The following DSC2 variants were observed in gnomAD, a reference collection of about 807,000 sequenced individuals.
DSC2 encodes the protein desmocollin-2.
A neutral mutation model predicts 87.6 loss-of-function variants in DSC2; 51 were observed. The observed-to-expected ratio is 0.58, with a 90% CI of 0.46 to 0.74. DSC2 has a LOEUF of 0.74. Among genes scored for constraint, DSC2 ranks in the 30% least tolerant of loss-of-function variants. DSC2 has a pLI of 0.00. For synonymous variants in DSC2, 383 were observed against 393.2 expected (o/e 0.97, Z 0.31); for missense variants, 1,066 against 1,089.5 (o/e 0.98, Z 0.30).
At chr18:31,070,509 G>A (rs979880174) in intron 14 of DSC2, among the ~76,000 whole-genome samples, 2 of 152,124 alleles carry the variant, frequency 1.3e-5, no homozygotes, top group Non-Finnish European at 2.9e-5. Context: ...ACATACTCAA[G>A]CATTTTTACT....
Position 31,091,898 on chromosome 18 carries a change from G to A in DSC2, c.354+203C>T, listed in dbSNP as rs146913618. 3.6e-4 allele frequency among the ~76,000 whole-genome samples: 54 copies of A among 151,726 alleles called. No homozygotes were observed. The East Asian group carries it at 7.3e-3, about 21-fold the overall frequency. ...ACCTTATCCCAATTTCTCCTTTTAC[G>A]TCCCAAATGAAAAGGAATGACAACC... On this transcript the variant is annotated intron_variant, in intron 3 of 15. Coordinates refer to ENST00000280904, the MANE Select transcript of DSC2 (RefSeq NM_024422.6).
intron 11 of DSC2, among the ~76,000 whole-genome samples, chr18:31,078,913 T>C (rs929519444): frequency 6.6e-6 from 1 of 152,202 alleles, no homozygotes; most frequent in African/African-American, 2.4e-5. Flanking sequence ...CATATTTCTC[T>C]CAATTTTATA....
chr18:31,076,295 C>T (rs12456949), intron 11 of DSC2, among the ~76,000 whole-genome samples: 7,373 of 152,078 alleles, frequency 0.048, 250 homozygotes, highest in East Asian at 0.098. Context: ...GGTTCTAAAC[C>T]GTGGGCCACA....
chr18:31,101,482 G>T (rs956645393), intron 1 of DSC2: 4 of 137,486 alleles, frequency 2.9e-5, no homozygotes, highest in African/African-American at 1.3e-4. Flanking sequence ...GGAGCCGCAC[G>T]TTCCCGGGGA....
At position 31,066,198 on chromosome 18, in the gene DSC2, AT is replaced by A. The variant is rs1986613693; in HGVS notation, c.*1816del. On this transcript the variant is annotated 3_prime_UTR_variant, in exon 16 of 16. Coordinates refer to ENST00000280904, the MANE Select transcript of DSC2 (RefSeq NM_024422.6). ...ACAGCCTTTAGAATAGTCATATTAT[AT>A]AAATATGGCAATAACAATGCACTGA... 1 of 152,206 alleles carries A rather than the reference AT, an allele frequency of 6.6e-6. No homozygotes were observed. Among genetic ancestry groups the A allele is most frequent in the Non-Finnish European group, 1.5e-5 (1 of 68,038 alleles). The allele number at this position is 152,206 out of a possible 1,614,324, so 9.4% of individuals were successfully genotyped here. A position where few individuals can be genotyped will look rare whatever the true frequency, so the allele number is the denominator to read the frequency against.
At chr18:31,101,460 C>T (rs1280381309) in intron 1 of DSC2, 2 of 187,648 alleles carry the variant, frequency 1.1e-5, no homozygotes, top group Non-Finnish European at 2.0e-5. Flanking sequence ...GCCGCACGTT[C>T]CCGAGGCACA....
At chr18:31,076,368 G>C (rs897212898) in intron 11 of DSC2, among the ~76,000 whole-genome samples, 2 of 151,490 alleles carry the variant, frequency 1.3e-5, no homozygotes, top group Non-Finnish European at 2.9e-5. Context: ...TGGGAGAGAG[G>C]GAAAAAACAA....
chr18:31,099,256 C>T (rs952975419), intron 1 of DSC2, among the ~76,000 whole-genome samples: 4 of 148,676 alleles, frequency 2.7e-5, no homozygotes, highest in Non-Finnish European at 6.0e-5. Context: ...AGACCTAGAA[C>T]AGAAAACCAA....
In DSC2 at chr18:31,064,456, C is replaced by G. The variant is rs933472917; in HGVS notation, c.*3559G>C. 1 of 152,120 alleles carries G rather than the reference C, an allele frequency of 6.6e-6. No homozygotes were observed. Among genetic ancestry groups the G allele is most frequent in the Non-Finnish European group, 1.5e-5 (1 of 68,024 alleles). The allele number at this position is 152,120 out of a possible 1,614,324, so 9.4% of individuals were successfully genotyped here. ...AATGAATGAAATTGTGTCTACAATT[C>G]TCAAAAGTTTGGCAGTTTTTGGCAA... is the stretch of plus-strand genomic sequence containing the variant. On this transcript the variant is annotated 3_prime_UTR_variant, in exon 16 of 16. Coordinates refer to ENST00000280904, the MANE Select transcript of DSC2 (RefSeq NM_024422.6).
rs1162955511 is a variant in DSC2, at chr18:31,062,363, T to C, written c.*5652A>G. The C allele has an allele frequency of 6.6e-6, 1 of 150,796 alleles. No individual in the cohort carries two copies. Among genetic ancestry groups the C allele is most frequent in the African/African-American group, 2.4e-5 (1 of 40,840 alleles). The allele number at this position is 150,796 out of a possible 1,614,324, so 9.3% of individuals were successfully genotyped here. A position where few individuals can be genotyped will look rare whatever the true frequency, so the allele number is the denominator to read the frequency against. ...ATTTCTAAACATAAGTGGTTTTTAG[T>C]TGCTTTTCCTCAGGTGGTTAGAGAG... On this transcript the variant is annotated 3_prime_UTR_variant, in exon 16 of 16. Transcript: ENST00000280904.
Position 31,082,336 on chromosome 18 carries a change from A to C in DSC2, c.1165T>G (p.Trp389Gly). The C allele has an allele frequency of 6.2e-7, 1 of 1,613,984 alleles. No individual in the cohort carries two copies. The highest frequency in any genetic ancestry group is 8.5e-7 in the Non-Finnish European group (1 of 1,179,988). ...EDKDLVNTAN[W>G]RANYTILKGN... Reference sequence around the variant, plus strand: ...TTTAAAATGGTATAATTAGCTCTCCAGTTAGCAGTATTCACTAAGTCCTTA... The same window carrying C: ...TTTAAAATGGTATAATTAGCTCTCCCGTTAGCAGTATTCACTAAGTCCTTA... Residue 389 changes from tryptophan (W) to glycine (G), a missense_variant, in exon 9 of 16, where the codon TGG (tryptophan) becomes GGG (glycine). Trp to Gly is a radical substitution (Grantham distance 184). Coordinates refer to ENST00000280904, the MANE Select transcript of DSC2 (RefSeq NM_024422.6).
rs727502981 is a variant in DSC2, at chr18:31,079,919, T to G, written c.1591A>C (p.Arg531=). 25 of 1,614,036 alleles carry G rather than the reference T, an allele frequency of 1.5e-5. No homozygotes were observed. In the South Asian group the frequency reaches 2.7e-4, roughly 18 times the overall value. The change falls in exon 11 of 16, where the codon AGA becomes CGA. Residue 531 remains arginine, a synonymous_variant. Coordinates refer to ENST00000280904, the MANE Select transcript of DSC2 (RefSeq NM_024422.6). ...DENTGSIKVF[R]SLDREAETIK... ...GTCTCTGCCTCTCTATCCAGGCTTC[T>G]GAAAACTTTGATTGATCCTGTATTT...
In DSC2 at chr18:31,080,146, G is replaced by T; in HGVS notation, c.1470C>A (p.Ser490Arg). The change falls in exon 10 of 16, where the codon AGC becomes AGA. Residue 490 changes from serine to arginine, a missense_variant. Ser to Arg is a moderately radical substitution (Grantham distance 110). Coordinates refer to ENST00000280904, the MANE Select transcript of DSC2 (RefSeq NM_024422.6). ...MKENAEVGTT[S>R]NGYKAYDPET... ...CTGGGTCATATGCTTTATATCCATT[G>T]CTTGTTGTTCCCACTTCTGCATTTT... The T allele has an allele frequency of 6.2e-7, 1 of 1,614,042 alleles. No homozygotes were observed. Among genetic ancestry groups the T allele is most frequent in the African/African-American group, 1.3e-5 (1 of 75,040 alleles).
At chr18:31,069,473 G>C (rs1446269438) in intron 14 of DSC2, among the ~76,000 whole-genome samples, 1 of 151,972 alleles carries the variant, frequency 6.6e-6, no homozygotes, top group African/African-American at 2.4e-5. Flanking sequence ...CCAGCACTTT[G>C]GGAGGCCGAG....
chr18:31,080,123 G>A lies in DSC2; in HGVS notation c.1493C>T (p.Pro498Leu). ...TTSNGYKAYD[P>L]ETRSSSGIRY... ...TATGCCACTGCTACTTCTTGTTTCT[G>A]GGTCATATGCTTTATATCCATTGCT... Residue 498 changes from proline to leucine, a missense_variant, in exon 10 of 16, where the codon CCA becomes CTA. Transcript: ENST00000280904. The A allele has an allele frequency of 6.2e-7, 1 of 1,613,916 alleles. No individual in the cohort carries two copies. The highest frequency in any genetic ancestry group is 1.1e-5 in the South Asian group (1 of 91,076).
At position 31,075,424 on chromosome 18, in the gene DSC2, A is replaced by C. The variant is rs151132372; in HGVS notation, c.1664-517T>G. ...AAGAAACTGAAGTTACATATTTGAAAGATTGTAACAAAAATAGTACATGGG... is the reference window on the plus strand; with the variant it reads ...AAGAAACTGAAGTTACATATTTGAACGATTGTAACAAAAATAGTACATGGG... On this transcript the variant is annotated intron_variant, in intron 11 of 15. Transcript: ENST00000280904. 3.2e-4 allele frequency among the ~76,000 whole-genome samples: 48 copies of C among 152,364 alleles called. 1 individual carries two copies. The East Asian group carries it at 9.3e-3, about 29-fold the overall frequency.
At position 31,089,484 on chromosome 18, in the gene DSC2, C is replaced by G. The variant is rs912124448; in HGVS notation, c.585G>C (p.Leu195Phe). 1.2e-6 allele frequency: 2 copies of G among 1,613,900 alleles called. No homozygotes were observed. Among genetic ancestry groups the G allele is most frequent in the Non-Finnish European group, 1.7e-6 (2 of 1,179,906 alleles). The change falls in exon 5 of 16, where the codon TTG becomes TTC. Residue 195 changes from leucine to phenylalanine, a missense_variant. Transcript: ENST00000280904. Reference sequence around the variant, plus strand: ...CACGATCTACAGGACGAGTACAATACAAGTTTCCAGTGTCTCTCTCCACAT... The same window carrying G: ...CACGATCTACAGGACGAGTACAATAGAAGTTTCCAGTGTCTCTCTCCACAT... Reference protein sequence around the residue: ...LFYVERDTGNLYCTRPVDREQ... With the variant: ...LFYVERDTGNFYCTRPVDREQ...
intron 5 of DSC2, 53 bp from the exon 6 acceptor site, chr18:31,087,866 G>A: frequency 6.3e-7 from 1 of 1,587,544 alleles, no homozygotes; most frequent in Non-Finnish European, 8.6e-7. Context: ...TTAAAATGAG[G>A]TATGCTTCAA....
chr18:31,087,594 A>G, intron 6 of DSC2, 75 bp downstream of exon 6: 1 of 1,522,518 alleles, frequency 6.6e-7, no homozygotes, highest in South Asian at 1.1e-5. Flanking sequence ...GCTGCTTCTC[A>G]ACGGACATAG....
Sources: allele counts gnomAD v4.1 joint callset (sites outside exome capture counted in the v4.1 genomes callset), GRCh38; gene constraint gnomAD v4.1.1; transcripts MANE v1.5; gene names NCBI Gene and HGNC (gene_info 2026-07-23, HGNC 2026-07-21).